Variants in ALDH2 observed in about 807,000 individuals in gnomAD.
The protein encoded by ALDH2 is aldehyde dehydrogenase, mitochondrial.
A neutral mutation model predicts 59.6 loss-of-function variants in ALDH2; 44 were observed. That is an observed-to-expected ratio of 0.74 (90% CI 0.58 to 0.95). The LOEUF is 0.95. Among genes scored for constraint, ALDH2 ranks in the 40% least tolerant of loss-of-function variants. The pLI is 0.00. For missense variants in ALDH2, 570 were observed against 696.3 expected, an observed-to-expected ratio of 0.82 and a Z score of 2.04; for synonymous variants, 291 against 284.0, an observed-to-expected ratio of 1.02 and a Z score of -0.25.
At chr12:111,776,818 G>T (rs1377340825) in intron 1 of ALDH2, among the ~76,000 whole-genome samples, 1 of 151,904 alleles carries the variant, frequency 6.6e-6, no homozygotes, top group Non-Finnish European at 1.5e-5. Flanking sequence ...TCGAGTAGCT[G>T]GGATTACAGG....
At chr12:111,784,519 A>C (rs2068295971) in intron 3 of ALDH2, among the ~76,000 whole-genome samples, 1 of 152,140 alleles carries the variant, frequency 6.6e-6, no homozygotes, top group Non-Finnish European at 1.5e-5. Flanking sequence ...CCTACATATC[A>C]TTCAGGTTCT....
chr12:111,778,649 C>A (rs530004333), intron 1 of ALDH2, among the ~76,000 whole-genome samples: 4 of 150,266 alleles, frequency 2.7e-5, no homozygotes, highest in Non-Finnish European at 5.9e-5. Flanking sequence ...TTGGCTAACT[C>A]GGTGAAACCC....
At chr12:111,776,515 C>CT (rs2068236466) in intron 1 of ALDH2, among the ~76,000 whole-genome samples, 1 of 152,090 alleles carries the variant, frequency 6.6e-6, no homozygotes, top group African/African-American at 2.4e-5. Context: ...AATCCCAGCA[C>CT]TTTAGGAGTC....
chr12:111,772,793 C>T (rs1287377577), intron 1 of ALDH2, among the ~76,000 whole-genome samples: 1 of 151,576 alleles, frequency 6.6e-6, no homozygotes, highest in Admixed American at 6.6e-5. Flanking sequence ...CCTGCGTCAG[C>T]CACTAGAGGC....
chr12:111,769,213 A>G (rs923196124), intron 1 of ALDH2, among the ~76,000 whole-genome samples: 3 of 152,202 alleles, frequency 2.0e-5, no homozygotes, highest in Non-Finnish European at 4.4e-5. Flanking sequence ...AGATCATTAA[A>G]GTAACACATG....
At chr12:111,791,944 G>C in intron 7 of ALDH2, 117 bp from the exon 8 acceptor site, 1 of 706,678 alleles carries the variant, frequency 1.4e-6, no homozygotes. Context: ...AATTCTCTAG[G>C]TCTCTCGTGG....
intron 4 of ALDH2, among the ~76,000 whole-genome samples, chr12:111,788,081 C>T (rs1482447066): frequency 1.3e-5 from 2 of 151,074 alleles, no homozygotes; most frequent in East Asian, 1.9e-4. Context: ...CTTAGATGGG[C>T]GTCTTGGCAG....
chr12:111,796,099 A>G (rs1248605649), intron 9 of ALDH2, among the ~76,000 whole-genome samples: 3 of 142,378 alleles, frequency 2.1e-5, no homozygotes, highest in Non-Finnish European at 3.1e-5. Context: ...CATCTCTACT[A>G]AAAAAAAAAA....
intron 12 of ALDH2, among the ~76,000 whole-genome samples, chr12:111,807,832 C>T (rs532182171): frequency 2.0e-5 from 3 of 151,270 alleles, no homozygotes; most frequent in Admixed American, 6.6e-5. Flanking sequence ...GGAGTTTGAT[C>T]TCAGCTATGG....
At chr12:111,792,240 C>T (rs899820995) in intron 8 of ALDH2, 77 bp downstream of exon 8, 22 of 1,163,302 alleles carry the variant, frequency 1.9e-5, no homozygotes, top group South Asian at 2.7e-5. Flanking sequence ...CCGATCCTGT[C>T]GCCCCCCCAG....
At chr12:111,809,145 TAA>T (rs2068517502) in intron 12 of ALDH2, among the ~76,000 whole-genome samples, 1 of 152,142 alleles carries the variant, frequency 6.6e-6, no homozygotes, top group Non-Finnish European at 1.5e-5. Context: ...CATTGGCCTA[TAA>T]CTCTTCATCA....
chr12:111,802,684 T>C (rs1336407076), intron 11 of ALDH2, among the ~76,000 whole-genome samples: 4 of 140,532 alleles, frequency 2.8e-5, no homozygotes, highest in South Asian at 2.3e-4. Context: ...ATCAAGACCA[T>C]CCTGGCTAAC....
intron 9 of ALDH2, among the ~76,000 whole-genome samples, chr12:111,793,977 C>G (rs981746986): frequency 2.0e-5 from 3 of 151,388 alleles, no homozygotes; most frequent in Admixed American, 2.0e-4. Context: ...CTATTCTTCC[C>G]TCTTTTCCTC....
Position 111,814,838 on chromosome 12 carries a change from A to G in ALDH2, c.*5263A>G, listed in dbSNP as rs1350587332. The stretch of plus-strand genomic sequence containing the variant: ...TGACACAGAGAGACTCTGTCTCAAA[A>G]AAAAAAAAAAAAAAGTAAATGCTAT... On this transcript the variant is annotated 3_prime_UTR_variant, in exon 13 of 13. Transcript: ENST00000261733. The G allele has an allele frequency of 6.6e-6, 1 of 151,476 alleles. No individual in the cohort carries two copies. Among genetic ancestry groups the G allele is most frequent in the Non-Finnish European group, 1.5e-5 (1 of 67,844 alleles). The allele number at this position is 151,476 out of a possible 1,614,324, so 9.4% of individuals were successfully genotyped here.
At chr12:111,786,645 AAGCAATCTTCCCACTTC>A (rs1225122572) in intron 4 of ALDH2, among the ~76,000 whole-genome samples, 2 of 151,824 alleles carry the variant, frequency 1.3e-5, no homozygotes, top group African/African-American at 2.4e-5. Flanking sequence ...TTCTGGGCTC[AAGCAATCTTCCCACTTC>A]AGCCTCCTAA....
At chr12:111,771,676 A>G (rs2068201083) in intron 1 of ALDH2, among the ~76,000 whole-genome samples, 1 of 152,260 alleles carries the variant, frequency 6.6e-6, no homozygotes, top group African/African-American at 2.4e-5. Context: ...ACAGATCTCC[A>G]TAAAAAATGT....
In ALDH2 at chr12:111,767,068, A is replaced by G. The variant is rs756057023; in HGVS notation, c.86A>G (p.Asn29Ser). ...GCCACCCAGGCCGTGCCTGCCCCCA[A>G]CCAGCAGCCCGAGGTCTTCTGCAAC... is the stretch of plus-strand genomic sequence containing the variant. ...AAATQAVPAP[N>S]QQPEVFCNQI... Residue 29 changes from asparagine (N) to serine (S), a missense_variant, in exon 1 of 13, where the codon AAC becomes AGC. Asn to Ser is a conservative substitution (Grantham distance 46). Transcript: ENST00000261733. 8 of 1,527,812 alleles carry G rather than the reference A, an allele frequency of 5.2e-6. No individual in the cohort carries two copies. The highest frequency in any genetic ancestry group is 4.0e-5 in the Admixed American group (2 of 50,206). The allele number at this position is 1,527,812 out of a possible 1,614,324, so 94.6% of individuals were successfully genotyped here. A position where few individuals can be genotyped will look rare whatever the true frequency, so the allele number is the denominator to read the frequency against.
rs1213492717 is a variant in ALDH2 at position 111,816,052 on chromosome 12, G to T, written c.*6477G>T. 6.6e-6 allele frequency: 1 copy of T among 152,158 alleles called. No homozygotes were observed. Among genetic ancestry groups the T allele is most frequent in the East Asian group, 1.9e-4 (1 of 5,192 alleles). The allele number at this position is 152,158 out of a possible 1,614,324, so 9.4% of individuals were successfully genotyped here. On this transcript the variant is annotated 3_prime_UTR_variant, in exon 13 of 13. Transcript: ENST00000261733. ...TAAAATGTAATCTTCAGTGTTGGAGGTGGGGCAAGGTGTGAGGTGTTAGGA... is the reference window on the plus strand; with the variant it reads ...TAAAATGTAATCTTCAGTGTTGGAGTTGGGGCAAGGTGTGAGGTGTTAGGA...
chr12:111,769,951 C>T (rs1384764476), intron 1 of ALDH2, among the ~76,000 whole-genome samples: 1 of 152,076 alleles, frequency 6.6e-6, no homozygotes, highest in Non-Finnish European at 1.5e-5. Context: ...CGAGACTAGC[C>T]TGGCCAACAT....
Sources: gnomAD v4.1 joint callset for allele counts (sites outside exome capture counted in the v4.1 genomes callset) on GRCh38, gnomAD v4.1.1 for gene constraint, MANE v1.5 for transcripts, NCBI Gene and HGNC (gene_info 2026-07-23, HGNC 2026-07-21) for gene names.